The following XRCC4 variants were observed in gnomAD, a reference collection of about 807,000 sequenced individuals.
XRCC4 encodes DNA repair protein XRCC4.
Under a neutral mutation model 39.1 loss-of-function variants are expected in XRCC4, and 28 were observed. That is an observed-to-expected ratio of 0.72 (90% CI 0.53 to 0.98). The LOEUF (loss-of-function observed/expected upper bound fraction) is 0.98. Ranked by LOEUF, XRCC4 falls within the 50% of genes least tolerant of loss-of-function variation. XRCC4 has a pLI of 0.00. For missense variants in XRCC4, 350 were observed against 376.4 expected (o/e 0.93, Z 0.58); for synonymous variants, 123 against 126.4 (o/e 0.97, Z 0.18).
chr5:83,160,386 T>G (rs1749148438), intron 3 of XRCC4, among the ~76,000 whole-genome samples: 1 of 152,196 alleles, frequency 6.6e-6, no homozygotes, highest in African/African-American at 2.4e-5. Context: ...TTATTAATTA[T>G]AATTTTGTAT....
intron 6 of XRCC4, among the ~76,000 whole-genome samples, chr5:83,234,870 G>A (rs990107724): frequency 2.7e-4 from 41 of 151,880 alleles, no homozygotes; most frequent in African/African-American, 9.4e-4. Context: ...TAGGTTTAAA[G>A]AGGTTTAAGT....
intron 7 of XRCC4, among the ~76,000 whole-genome samples, chr5:83,320,502 G>A (rs1280184173): frequency 1.3e-5 from 2 of 152,016 alleles, no homozygotes; most frequent in Non-Finnish European, 2.9e-5. Flanking sequence ...CAGAGGTGGG[G>A]TTTGAGAATA....
chr5:83,346,439 G>T (rs1214776393), intron 7 of XRCC4, among the ~76,000 whole-genome samples: 5 of 152,102 alleles, frequency 3.3e-5, no homozygotes, highest in Non-Finnish European at 7.4e-5. Flanking sequence ...ACATATACCT[G>T]AATGTTAAAT....
chr5:83,224,482 T>C (rs1752213818), intron 6 of XRCC4, among the ~76,000 whole-genome samples: 1 of 152,168 alleles, frequency 6.6e-6, no homozygotes, highest in South Asian at 2.1e-4. Context: ...CAAATCATTG[T>C]AGTTTTAGTT....
At chr5:83,305,707 T>C (rs1325601802) in intron 7 of XRCC4, among the ~76,000 whole-genome samples, 1 of 152,140 alleles carries the variant, frequency 6.6e-6, no homozygotes, top group African/African-American at 2.4e-5. Flanking sequence ...GAGGTGGCTA[T>C]TGAATGAAGG....
At chr5:83,356,127 A>G (rs939156619), downstream of XRCC4, among the ~76,000 whole-genome samples, 2 of 152,280 alleles carry the variant, frequency 1.3e-5, no homozygotes, top group African/African-American at 2.4e-5. Context: ...ATATATAATT[A>G]TAAACTATCA....
At chr5:83,135,266 A>C (rs2386238) in intron 3 of XRCC4, among the ~76,000 whole-genome samples, 1 of 151,894 alleles carries the variant, frequency 6.6e-6, no homozygotes, top group African/African-American at 2.4e-5. Context: ...TGGTACCTCC[A>C]TTGGAAATGC....
intron 7 of XRCC4, among the ~76,000 whole-genome samples, chr5:83,329,251 A>C (rs1448105030): frequency 6.6e-6 from 1 of 152,164 alleles, no homozygotes; most frequent in Non-Finnish European, 1.5e-5. Context: ...AATAAGGCTG[A>C]AAGAGTGCAA....
At chr5:83,218,057 CTT>C (rs1025126667) in intron 6 of XRCC4, among the ~76,000 whole-genome samples, 5 of 130,538 alleles carry the variant, frequency 3.8e-5, no homozygotes, top group African/African-American at 1.9e-4. Context: ...CAGTCTTTAC[CTT>C]TTTTATATAT....
chr5:83,227,871 TA>T (rs1207558963), intron 6 of XRCC4, among the ~76,000 whole-genome samples: 1 of 152,070 alleles, frequency 6.6e-6, no homozygotes, highest in Non-Finnish European at 1.5e-5. Context: ...CAGGGATTCG[TA>T]AAGAATTATC....
intron 3 of XRCC4, among the ~76,000 whole-genome samples, chr5:83,114,906 A>G (rs1746635676): frequency 6.6e-6 from 1 of 152,176 alleles, no homozygotes; most frequent in African/African-American, 2.4e-5. Flanking sequence ...TAAATGATTC[A>G]CAGTTCCACA....
chr5:83,149,851 A>G (rs970488802), intron 3 of XRCC4, among the ~76,000 whole-genome samples: 1 of 152,122 alleles, frequency 6.6e-6, no homozygotes. Flanking sequence ...TGGACCACCC[A>G]CAGAGAGTCC....
intron 7 of XRCC4, among the ~76,000 whole-genome samples, chr5:83,346,792 G>A (rs1246844387): frequency 2.0e-5 from 3 of 152,054 alleles, no homozygotes. Flanking sequence ...AATGAAATAG[G>A]AACATGGAAA....
chr5:83,171,180 C>A (rs573600345), intron 3 of XRCC4, among the ~76,000 whole-genome samples: 1 of 152,106 alleles, frequency 6.6e-6, no homozygotes, highest in South Asian at 2.1e-4. Context: ...GTCCTCAATT[C>A]TTTTCACTCA....
Position 83,105,069 on chromosome 5 carries a change from A to C in XRCC4, c.139+11A>C. ...CATGGACTGGGACAGGTAATACTAA[A>C]AACAAAGTTTTTATAAGTAAAATTT... On this transcript the variant is annotated intron_variant, in intron 2 of 7. Coordinates refer to ENST00000396027, the MANE Select transcript of XRCC4 (RefSeq NM_003401.5). The C allele has an allele frequency of 1.3e-6, 2 of 1,593,840 alleles. No individual in the cohort carries two copies. The highest frequency in any genetic ancestry group is 8.5e-7 in the Non-Finnish European group (1 of 1,173,474).
intron 7 of XRCC4, among the ~76,000 whole-genome samples, chr5:83,294,741 A>G (rs1755037194): frequency 6.6e-6 from 1 of 152,034 alleles, no homozygotes; most frequent in African/African-American, 2.4e-5. Flanking sequence ...ATAAAATACA[A>G]TATCAGGGAT....
chr5:83,227,045 T>A (rs543736507), intron 6 of XRCC4, among the ~76,000 whole-genome samples: 1 of 152,256 alleles, frequency 6.6e-6, no homozygotes, highest in East Asian at 1.9e-4. Flanking sequence ...CATGTTCTTT[T>A]GCATAATTTC....
intron 7 of XRCC4, among the ~76,000 whole-genome samples, chr5:83,284,111 A>G (rs1249838141): frequency 6.6e-6 from 1 of 151,600 alleles, no homozygotes; most frequent in Non-Finnish European, 1.5e-5. Context: ...AATCAAATAC[A>G]TAAAATACAT....
At chr5:83,091,294 A>G (rs1037742930) in intron 1 of XRCC4, among the ~76,000 whole-genome samples, 10 of 152,192 alleles carry the variant, frequency 6.6e-5, no homozygotes, top group Non-Finnish European at 1.0e-4. Context: ...GCAGGCAGGC[A>G]TATCTTACAT....
Sources: gnomAD v4.1 joint callset for allele counts (sites outside exome capture counted in the v4.1 genomes callset) on GRCh38, gnomAD v4.1.1 for gene constraint, MANE v1.5 for transcripts, NCBI Gene and HGNC (gene_info 2026-07-23, HGNC 2026-07-21) for gene names.